Variants in NRG1 observed in about 807,000 individuals in gnomAD.
NRG1 encodes the protein neuregulin 1.
NRG1 carries 18 observed loss-of-function variants against 63.8 expected under a neutral mutation model. The observed-to-expected ratio is 0.28, with a 90% CI of 0.19 to 0.42. The LOEUF (loss-of-function observed/expected upper bound fraction) is 0.42. NRG1 is among the 10% of genes least tolerant of loss of function. The pLI, the probability that NRG1 is intolerant of heterozygous loss-of-function variation, is 1.00. For missense variants in NRG1, 762 were observed against 814.7 expected (o/e 0.94, Z 0.79); for synonymous variants, 302 against 301.3 (o/e 1.00, Z -0.02).
At chr8:31,754,446 C>T (rs1416162991) in intron 1 of NRG1, among the ~76,000 whole-genome samples, 1 of 152,082 alleles carries the variant, frequency 6.6e-6, no homozygotes, top group Non-Finnish European at 1.5e-5. Flanking sequence ...TCTTTGCCTT[C>T]CACCATGATT....
chr8:32,137,814 T>G (rs1189187256), intron 1 of NRG1, among the ~76,000 whole-genome samples: 2 of 152,230 alleles, frequency 1.3e-5, no homozygotes, highest in Non-Finnish European at 2.9e-5. Flanking sequence ...TATGCGCTGC[T>G]GCAGGCCAGT....
exon 11 of NRG1, chr8:32,760,399 A>T: frequency 6.2e-7 from 1 of 1,613,670 alleles, no homozygotes; most frequent in South Asian, 1.1e-5. Flanking sequence ...CTCTCCTCAT[A>T]GTGAAAGGTA....
intron 1 of NRG1, among the ~76,000 whole-genome samples, chr8:31,880,875 G>T (rs1193363469): frequency 2.6e-5 from 4 of 152,114 alleles, no homozygotes; most frequent in African/African-American, 4.8e-5. Context: ...TATTGTTTTT[G>T]AAAATGTATG....
At chr8:31,928,970 A>G (rs1834647133) in intron 1 of NRG1, among the ~76,000 whole-genome samples, 1 of 152,304 alleles carries the variant, frequency 6.6e-6, no homozygotes, top group Non-Finnish European at 1.5e-5. Flanking sequence ...CTTCACCACC[A>G]TACAATTCAT....
intron 11 of NRG1, among the ~76,000 whole-genome samples, chr8:32,762,084 G>T (rs1371027420): frequency 6.7e-6 from 1 of 148,756 alleles, no homozygotes; most frequent in Non-Finnish European, 1.5e-5. Context: ...CAAGCCTGTT[G>T]GTTACTTCTT....
At chr8:31,935,949 T>C (rs1044634035) in intron 1 of NRG1, among the ~76,000 whole-genome samples, 1 of 152,070 alleles carries the variant, frequency 6.6e-6, no homozygotes, top group African/African-American at 2.4e-5. Context: ...GAGGAGAATA[T>C]GGCCTAGTCA....
intron 1 of NRG1, among the ~76,000 whole-genome samples, chr8:32,385,512 T>A (rs1182420029): frequency 2.0e-5 from 3 of 152,170 alleles, no homozygotes; most frequent in Non-Finnish European, 2.9e-5. Context: ...CAGTGGCGTC[T>A]GCTTGGTTTC....
At chr8:32,376,702 T>A (rs1809674581) in intron 1 of NRG1, among the ~76,000 whole-genome samples, 1 of 152,194 alleles carries the variant, frequency 6.6e-6, no homozygotes, top group Admixed American at 6.5e-5. Flanking sequence ...GCAAGCCCTG[T>A]GTACTGAGTT....
chr8:32,444,299 T>C (rs1161096349), intron 1 of NRG1, among the ~76,000 whole-genome samples: 1 of 151,920 alleles, frequency 6.6e-6, no homozygotes, highest in Non-Finnish European at 1.5e-5. Flanking sequence ...TAGTTTTTTG[T>C]TTGGGGTGGT....
In NRG1 at chr8:31,931,073, G is replaced by T. The variant is rs1293050489; in HGVS notation, c.37+291642G>T. 2.0e-5 allele frequency among the ~76,000 whole-genome samples: 3 copies of T among 152,074 alleles called. No individual in the cohort carries two copies. In the South Asian group the frequency reaches 6.2e-4, roughly 32 times the overall value. On this transcript the variant is annotated intron_variant, in intron 1 of 10. Transcript: ENST00000519301. ...AATTCAGATAGAGGCTATTTCCACC[G>T]GACTTTTGCTCATCTACTTCCTCCC... is the stretch of plus-strand genomic sequence containing the variant.
intron 5 of NRG1, among the ~76,000 whole-genome samples, chr8:32,617,506 G>A (rs770244717): frequency 6.6e-6 from 1 of 152,102 alleles, no homozygotes; most frequent in Non-Finnish European, 1.5e-5. Flanking sequence ...GTGCTATGTC[G>A]GGGGAACTTA....
At chr8:31,672,703 GAAAAATTGCAAT>G (rs1226398696) in intron 1 of NRG1, among the ~76,000 whole-genome samples, 1 of 152,112 alleles carries the variant, frequency 6.6e-6, no homozygotes, top group South Asian at 2.1e-4. Context: ...GGTTTATAAG[GAAAAATTGCAAT>G]AATTAAACTG....
chr8:32,533,917 G>A (rs1401823973), intron 1 of NRG1, among the ~76,000 whole-genome samples: 1 of 152,028 alleles, frequency 6.6e-6, no homozygotes, highest in East Asian at 1.9e-4. Context: ...TTATAAGGCA[G>A]AAAGGTTAGA....
intron 1 of NRG1, among the ~76,000 whole-genome samples, chr8:32,357,616 TCTC>T (rs1157385704): frequency 2.0e-5 from 3 of 152,204 alleles, no homozygotes; most frequent in African/African-American, 4.8e-5. Flanking sequence ...TGCCCTTCCT[TCTC>T]CTCCTCCTTT....
intron 1 of NRG1, chr8:31,639,883 A>T (rs1803564975): frequency 1.9e-6 from 2 of 1,080,752 alleles, no homozygotes; most frequent in Non-Finnish European, 1.1e-6. Flanking sequence ...GCAAGGGGGG[A>T]GGAGGAGGAG....
At chr8:32,268,174 T>G (rs1851182848) in intron 1 of NRG1, among the ~76,000 whole-genome samples, 1 of 152,162 alleles carries the variant, frequency 6.6e-6, no homozygotes, top group Non-Finnish European at 1.5e-5. Flanking sequence ...TGAAGGAGCC[T>G]GAAAGCACAG....
At chr8:32,131,361 A>C (rs1475626757) in intron 1 of NRG1, among the ~76,000 whole-genome samples, 2 of 152,042 alleles carry the variant, frequency 1.3e-5, no homozygotes, top group Non-Finnish European at 2.9e-5. Flanking sequence ...TGTTCTGCTC[A>C]TACTAAAGCA....
At chr8:31,740,778 A>G (rs901965388) in intron 1 of NRG1, among the ~76,000 whole-genome samples, 1 of 152,008 alleles carries the variant, frequency 6.6e-6, no homozygotes, top group African/African-American at 2.4e-5. Flanking sequence ...GTGGTAAGCA[A>G]TTGATCTGGC....
At chr8:32,179,431 A>G (rs1023433225) in intron 1 of NRG1, among the ~76,000 whole-genome samples, 1 of 152,216 alleles carries the variant, frequency 6.6e-6, no homozygotes, top group African/African-American at 2.4e-5. Context: ...TGTTTCTACT[A>G]CTGAAGGATT....
Sources: allele counts gnomAD v4.1 joint callset (sites outside exome capture counted in the v4.1 genomes callset), GRCh38; gene constraint gnomAD v4.1.1; transcripts MANE v1.5; gene names NCBI Gene and HGNC (gene_info 2026-07-23, HGNC 2026-07-21).